Variants in RORA observed in about 807,000 individuals in gnomAD.
RORA encodes the protein nuclear receptor ROR-alpha.
RORA carries 7 observed loss-of-function variants against 69.5 expected under a neutral mutation model. The ratio of observed to expected loss-of-function variants is 0.10; its 90% confidence interval spans 0.06 to 0.19. The LOEUF is 0.19. Among genes scored for constraint, RORA ranks in the 10% least tolerant of loss-of-function variants. The pLI, the probability that RORA is intolerant of heterozygous loss-of-function variation, is 1.00. For missense variants in RORA, 457 were observed against 663.0 expected, an observed-to-expected ratio of 0.69 and a Z score of 3.41; for synonymous variants, 261 against 240.8, an observed-to-expected ratio of 1.08 and a Z score of -0.78.
chr15:61,041,017 T>C (rs1896739365), intron 1 of RORA: 2 of 152,174 alleles, frequency 1.3e-5, no homozygotes, highest in Admixed American at 6.5e-5. Flanking sequence ...GAAATATTAC[T>C]GGAAGCTAAA....
chr15:60,541,754 A>AT (rs151192191), intron 2 of RORA, among the ~76,000 whole-genome samples: 7,391 of 152,184 alleles, frequency 0.049, 638 homozygotes, highest in African/African-American at 0.17. Flanking sequence ...CATAAATGTC[A>AT]TTTTTTTCCC....
At chr15:60,698,630 GTTTTTTTT>G (rs34961839) in intron 1 of RORA, among the ~76,000 whole-genome samples, 6 of 112,698 alleles carry the variant, frequency 5.3e-5, no homozygotes, top group African/African-American at 6.4e-5. Context: ...TGGCATTTGT[GTTTTTTTT>G]TTTTTTTTTG....
chr15:60,757,081 T>G (rs2071812913), intron 1 of RORA, among the ~76,000 whole-genome samples: 1 of 152,206 alleles, frequency 6.6e-6, no homozygotes, highest in Non-Finnish European at 1.5e-5. Flanking sequence ...GCAAAACCAT[T>G]AGATGTTTAA....
At position 60,824,548 on chromosome 15, in the gene RORA, T is replaced by C. The variant is rs553939059; in HGVS notation, c.167-145862A>G. On this transcript the variant is annotated intron_variant, in intron 1 of 10. Transcript: ENST00000335670. Reference sequence around the variant, plus strand: ...GTGTGCTCATGGCCATATGCTGTAGTGATTAAATCAGACTAGCTGGATTCA... The same window carrying C: ...GTGTGCTCATGGCCATATGCTGTAGCGATTAAATCAGACTAGCTGGATTCA... Among the ~76,000 whole-genome samples the C allele has an allele frequency of 1.6e-3, 243 of 152,308 alleles. 1 individual carries two copies. Among genetic ancestry groups the C allele is most frequent in the African/African-American group, 5.7e-3 (236 of 41,574 alleles).
intron 1 of RORA, among the ~76,000 whole-genome samples, chr15:61,144,016 T>C (rs935206481): frequency 1.2e-4 from 18 of 152,162 alleles, no homozygotes; most frequent in African/African-American, 4.3e-4. Flanking sequence ...GCAACTAATA[T>C]GTTAGATAAA....
At chr15:60,817,277 A>C (rs2072831794) in intron 1 of RORA, among the ~76,000 whole-genome samples, 1 of 152,336 alleles carries the variant, frequency 6.6e-6, no homozygotes, top group African/African-American at 2.4e-5. Flanking sequence ...TCGAAAAGTT[A>C]TGTTTAGACT....
chr15:60,675,138 A>G (rs2070534095), intron 2 of RORA, among the ~76,000 whole-genome samples: 1 of 152,224 alleles, frequency 6.6e-6, no homozygotes, highest in African/African-American at 2.4e-5. Flanking sequence ...TAGCAAATGC[A>G]GAACTATCCA....
At chr15:60,573,372 A>C (rs1264696956) in intron 2 of RORA, among the ~76,000 whole-genome samples, 1 of 152,234 alleles carries the variant, frequency 6.6e-6, no homozygotes, top group Non-Finnish European at 1.5e-5. Flanking sequence ...CAAGAGGCAG[A>C]GCGGCCGCAC....
intron 2 of RORA, among the ~76,000 whole-genome samples, chr15:60,671,770 C>A (rs1410144432): frequency 2.0e-5 from 3 of 151,760 alleles, no homozygotes; most frequent in Non-Finnish European, 4.4e-5. Context: ...TGCCACCACT[C>A]CTGACTAATT....
At chr15:61,225,808 C>T (rs922086754) in intron 1 of RORA, among the ~76,000 whole-genome samples, 4 of 152,192 alleles carry the variant, frequency 2.6e-5, no homozygotes, top group Non-Finnish European at 5.9e-5. Context: ...TCCCTGAAAG[C>T]CTTGTTAAAT....
At chr15:60,946,848 G>A (rs1489507040) in intron 1 of RORA, among the ~76,000 whole-genome samples, 11 of 150,730 alleles carry the variant, frequency 7.3e-5, no homozygotes, top group African/African-American at 1.7e-4. Flanking sequence ...GCCGCCCATC[G>A]TCTGAGATGT....
chr15:61,121,332 A>G lies in RORA; in HGVS notation c.166+107721T>C, dbSNP rs73432708. On this transcript the variant is annotated intron_variant, in intron 1 of 10. Coordinates refer to ENST00000335670, the MANE Select transcript of RORA (RefSeq NM_134261.3). ...TGGAGGGATGCATATGTCTCCGAAGAGATCCAAGTATCTTTCCTTAAGGGA... is the reference window on the plus strand; with the variant it reads ...TGGAGGGATGCATATGTCTCCGAAGGGATCCAAGTATCTTTCCTTAAGGGA... Among the ~76,000 whole-genome samples the G allele has an allele frequency of 3.2e-3, 491 of 152,308 alleles. 2 individuals are homozygous for G. Among genetic ancestry groups the G allele is most frequent in the African/African-American group, 0.011 (456 of 41,572 alleles).
At chr15:60,773,009 G>C (rs1455245050) in intron 1 of RORA, among the ~76,000 whole-genome samples, 1 of 152,224 alleles carries the variant, frequency 6.6e-6, no homozygotes, top group Non-Finnish European at 1.5e-5. Flanking sequence ...TCATTACATA[G>C]TTTGAGTTGC....
At chr15:60,827,165 G>A (rs1289201194) in intron 1 of RORA, among the ~76,000 whole-genome samples, 5 of 152,140 alleles carry the variant, frequency 3.3e-5, no homozygotes, top group African/African-American at 4.8e-5. Flanking sequence ...ATCTACCTGA[G>A]GTCCCCTCCA....
At chr15:60,979,749 C>T (rs1893985391) in intron 1 of RORA, among the ~76,000 whole-genome samples, 2 of 129,184 alleles carry the variant, frequency 1.5e-5, no homozygotes, top group Admixed American at 1.6e-4. Context: ...TGTGTGTGTG[C>T]ACGTGTGTGT....
intron 1 of RORA, among the ~76,000 whole-genome samples, chr15:60,821,335 T>A (rs1221650905): frequency 1.3e-5 from 2 of 152,180 alleles, no homozygotes; most frequent in African/African-American, 2.4e-5. Flanking sequence ...GATCCGGGGC[T>A]TCTAGCCCCT....
At chr15:61,136,477 CT>C (rs1250254766) in intron 1 of RORA, among the ~76,000 whole-genome samples, 1 of 152,084 alleles carries the variant, frequency 6.6e-6, no homozygotes, top group Non-Finnish European at 1.5e-5. Context: ...CATTTAAGTC[CT>C]TTTTTTCTTT....
At chr15:61,189,208 C>G (rs542454331) in intron 1 of RORA, among the ~76,000 whole-genome samples, 4 of 152,142 alleles carry the variant, frequency 2.6e-5, no homozygotes, top group African/African-American at 9.7e-5. Context: ...CTTGAATAAA[C>G]GCATTTTTAC....
chr15:61,182,476 GA>G (rs1275355727), intron 1 of RORA, among the ~76,000 whole-genome samples: 1 of 152,162 alleles, frequency 6.6e-6, no homozygotes, highest in African/African-American at 2.4e-5. Flanking sequence ...ATCACCCTGG[GA>G]ACATCCATGG....
Sources: gnomAD v4.1 joint callset for allele counts (sites outside exome capture counted in the v4.1 genomes callset) on GRCh38, gnomAD v4.1.1 for gene constraint, MANE v1.5 for transcripts, NCBI Gene and HGNC (gene_info 2026-07-23, HGNC 2026-07-21) for gene names.